The following WDR33 variants were observed in gnomAD, a reference collection of about 807,000 sequenced individuals.
WDR33 encodes the protein WD repeat domain 33, also known as pre-mRNA 3' end processing protein WDR33.
In WDR33, 47 loss-of-function variants were observed where a neutral mutation model predicts 164.9. The observed-to-expected ratio is 0.29, with a 90% CI of 0.23 to 0.36. WDR33 has a LOEUF of 0.36. WDR33 is among the 10% of genes least tolerant of loss of function. The pLI is 1.00. For missense variants in WDR33, 1,137 were observed against 1,754.1 expected (o/e 0.65, Z 6.28); for synonymous variants, 505 against 589.0 (o/e 0.86, Z 2.06).
intron 1 of WDR33, among the ~76,000 whole-genome samples, chr2:127,780,287 A>T (rs1688326947): frequency 6.6e-6 from 1 of 152,038 alleles, no homozygotes; most frequent in Admixed American, 6.6e-5. Flanking sequence ...AACACTCCTG[A>T]CCCCAGGGTC....
intron 1 of WDR33, among the ~76,000 whole-genome samples, chr2:127,783,683 C>A (rs1302090073): frequency 7.2e-6 from 1 of 138,020 alleles, no homozygotes; most frequent in Non-Finnish European, 1.5e-5. Flanking sequence ...CGGCTCACTG[C>A]GACCTCCGCC....
intron 7 of WDR33, among the ~76,000 whole-genome samples, chr2:127,761,308 C>G (rs1687667476): frequency 6.6e-6 from 1 of 152,068 alleles, no homozygotes; most frequent in African/African-American, 2.4e-5. Flanking sequence ...TCACACCAGT[C>G]TCCTGCCTCA....
intron 7 of WDR33, among the ~76,000 whole-genome samples, chr2:127,758,775 C>G (rs192268473): frequency 2.0e-5 from 3 of 152,306 alleles, no homozygotes; most frequent in Admixed American, 2.0e-4. Context: ...TAAAACTACA[C>G]TTCTAGCACT....
Position 127,764,231 on chromosome 2 carries a change from A to G in WDR33, c.626+597T>C. On this transcript the variant is annotated intron_variant, in intron 6 of 21. Coordinates refer to ENST00000322313, the MANE Select transcript of WDR33 (RefSeq NM_018383.5). This position sits in a 1 kb window ranked among gnomAD's most constrained non-coding sequence, Gnocchi z 6.2. ...TAAGTGATGTTATCAACAGTGAATC[A>G]GAAGAAAAGTCCTAGAGTCTTCTTG... The G allele has an allele frequency of 1.8e-6, 2 of 1,127,038 alleles. No homozygotes were observed. The highest frequency in any genetic ancestry group is 1.0e-4 in the East Asian group (2 of 19,868). 69.8% of individuals were successfully genotyped at this position (1,127,038 alleles called of 1,614,324 possible). A position where few individuals can be genotyped will look rare whatever the true frequency, so the allele number is the denominator to read the frequency against.
intron 7 of WDR33, among the ~76,000 whole-genome samples, chr2:127,740,473 A>G (rs923236238): frequency 1.3e-5 from 2 of 152,088 alleles, no homozygotes; most frequent in Admixed American, 6.5e-5. Context: ...TGAGCCCGGG[A>G]GGTCAAGGAT....
At chr2:127,794,937 T>A (rs1688979922) in intron 1 of WDR33, among the ~76,000 whole-genome samples, 1 of 151,388 alleles carries the variant, frequency 6.6e-6, no homozygotes, top group South Asian at 2.1e-4. Flanking sequence ...GGCGGGAGGA[T>A]CACTTGAGCC....
intron 1 of WDR33, among the ~76,000 whole-genome samples, chr2:127,803,705 C>T (rs7557678): frequency 0.13 from 20,106 of 152,076 alleles, 1,453 homozygotes; most frequent in South Asian, 0.26. Context: ...ATAATATTTT[C>T]TACCAAAAGA....
In WDR33 at chr2:127,701,215, A is replaced by C. The variant is rs930681651; in HGVS notation, c.*5108T>G. The C allele has an allele frequency of 4.4e-5, 10 of 226,488 alleles. No individual in the cohort carries two copies. In the East Asian group the frequency reaches 8.9e-4, roughly 20 times the overall value. 14.0% of individuals were successfully genotyped at this position (226,488 alleles called of 1,614,324 possible). A position where few individuals can be genotyped will look rare whatever the true frequency, so the allele number is the denominator to read the frequency against. The stretch of plus-strand genomic sequence containing the variant: ...AAAGGGTCACTTCTTGTGCCCCTTT[A>C]GAACCACACCCACCCCTGCCTTCCA... On this transcript the variant is annotated 3_prime_UTR_variant, in exon 22 of 22. Transcript: ENST00000322313.
rs552437283 is a variant in WDR33, at chr2:127,717,201, A to G, written c.2823T>C (p.Gly941=). The G allele has an allele frequency of 6.2e-7, 1 of 1,609,946 alleles. No individual in the cohort carries two copies. Among genetic ancestry groups the G allele is most frequent in the Admixed American group, 1.7e-5 (1 of 59,618 alleles). ...GTCCGGGGTTCAGAGGGGGAATGCG[A>G]CCTTGTGCTCCCTGCTGCCCTAGGC... ...IPGLGQQGAQ[G]RIPPLNPGQG... The change falls in exon 17 of 22, where the codon GGT becomes GGC. Residue 941 remains glycine (G), a synonymous_variant. Coordinates refer to ENST00000322313, the MANE Select transcript of WDR33 (RefSeq NM_018383.5). The surrounding 1 kb of genome is among the most constrained non-coding windows in gnomAD (Gnocchi z 5.6).
At chr2:127,737,313 A>G in intron 7 of WDR33, 1 of 985,470 alleles carries the variant, frequency 1.0e-6, no homozygotes, top group South Asian at 4.7e-5. Context: ...TGCAGAAAGC[A>G]GCAGCAAAGT....
In WDR33 at chr2:127,763,634, AT is replaced by A. The variant is rs1187814723; in HGVS notation, c.627-476del. 3.0e-6 allele frequency: 3 copies of A among 988,806 alleles called. No homozygotes were observed. In the African/African-American group the frequency reaches 5.2e-5, roughly 17 times the overall value. The allele number at this position is 988,806 out of a possible 1,614,324, so 61.3% of individuals were successfully genotyped here. On this transcript the variant is annotated intron_variant, in intron 6 of 21. Coordinates refer to ENST00000322313, the MANE Select transcript of WDR33 (RefSeq NM_018383.5). This position sits in a 1 kb window ranked among gnomAD's most constrained non-coding sequence, Gnocchi z 4.5. ...TCTATTAAAAGACTGATTGCTAAAC[AT>A]CCCTACATACAATGTTTCTCATCCA...
At position 127,763,311 on chromosome 2, in the gene WDR33, G is replaced by A. The variant is rs566265435; in HGVS notation, c.627-152C>T. 17 of 1,445,894 alleles carry A rather than the reference G, an allele frequency of 1.2e-5. No individual in the cohort carries two copies. The highest frequency in any genetic ancestry group is 2.5e-5 in the East Asian group (1 of 39,514). 89.6% of individuals were successfully genotyped at this position (1,445,894 alleles called of 1,614,324 possible). A position where few individuals can be genotyped will look rare whatever the true frequency, so the allele number is the denominator to read the frequency against. ...GAAGCCCTTAAAGTGAATGTCGTCA[G>A]CTAACATAGGCATCTCATCAAAAGA... On this transcript the variant is annotated intron_variant, in intron 6 of 21. Transcript: ENST00000322313. This position sits in a 1 kb window ranked among gnomAD's most constrained non-coding sequence, Gnocchi z 4.5.
intron 7 of WDR33, among the ~76,000 whole-genome samples, chr2:127,739,127 C>A (rs544501964): frequency 6.6e-6 from 1 of 152,230 alleles, no homozygotes; most frequent in East Asian, 1.9e-4. Flanking sequence ...AGTATCTACT[C>A]GTGAAGGTGT....
rs770599033 is a variant in WDR33, at chr2:127,702,195, G to A, written c.*4128C>T. The stretch of plus-strand genomic sequence containing the variant: ...CGTGTGAGGACCTCGCGCCCTCGCC[G>A]CTGGGGAAGTACGCGGAGCCAGCGC... On this transcript the variant is annotated 3_prime_UTR_variant, in exon 22 of 22. Transcript: ENST00000322313. 73 of 1,213,712 alleles carry A rather than the reference G, an allele frequency of 6.0e-5. 1 individual carries two copies. The Middle Eastern group carries it at 9.7e-4, about 16-fold the overall frequency. 75.2% of individuals were successfully genotyped at this position (1,213,712 alleles called of 1,614,324 possible).
At chr2:127,730,383 G>A (rs1686672625) in intron 7 of WDR33, among the ~76,000 whole-genome samples, 1 of 151,934 alleles carries the variant, frequency 6.6e-6, no homozygotes, top group Non-Finnish European at 1.5e-5. Context: ...ATAAAATTCT[G>A]ACCTCACATG....
At chr2:127,729,403 A>C (rs922827350) in intron 7 of WDR33, among the ~76,000 whole-genome samples, 5 of 152,136 alleles carry the variant, frequency 3.3e-5, no homozygotes, top group Non-Finnish European at 4.4e-5. Flanking sequence ...AAAAAACAAA[A>C]CTGTGTCACT....
chr2:127,738,056 T>A lies in WDR33; in HGVS notation c.725-11279A>T. The A allele has an allele frequency of 6.2e-7, 1 of 1,612,698 alleles. No individual in the cohort carries two copies. The highest frequency in any genetic ancestry group is 1.7e-4 in the Middle Eastern group (1 of 6,060). Reference sequence around the variant, plus strand: ...AACGGCAGTGATGAAAACATGTATCTATCAAAACAAGAAGGGTGCATGAAC... The same window carrying A: ...AACGGCAGTGATGAAAACATGTATCAATCAAAACAAGAAGGGTGCATGAAC... On this transcript the variant is annotated intron_variant, in intron 7 of 21. Coordinates refer to ENST00000322313, the MANE Select transcript of WDR33 (RefSeq NM_018383.5). The surrounding 1 kb of genome is among the most constrained non-coding windows in gnomAD (Gnocchi z 4.4).
chr2:127,810,115 A>G (rs1689595635), intron 1 of WDR33, among the ~76,000 whole-genome samples: 1 of 152,166 alleles, frequency 6.6e-6, no homozygotes, highest in African/African-American at 2.4e-5. Context: ...TCCAGAGTGT[A>G]CTAAAAAAGT....
rs530987223 is a variant in WDR33, at chr2:127,800,591, C to T, written c.-24+10421G>A. 1.3e-4 allele frequency among the ~76,000 whole-genome samples: 19 copies of T among 145,332 alleles called. 1 individual carries two copies. The South Asian group carries it at 4.1e-3, about 32-fold the overall frequency. The stretch of plus-strand genomic sequence containing the variant: ...GTCGGAGCTTGCAGTGAGCTGAGAT[C>T]GCATCACTGCACTCCAGCCTGGGCA... On this transcript the variant is annotated intron_variant, in intron 1 of 21. Transcript: ENST00000322313.
Sources: allele counts gnomAD v4.1 joint callset (sites outside exome capture counted in the v4.1 genomes callset), GRCh38; gene constraint gnomAD v4.1.1; non-coding constraint Gnocchi (gnomAD v3.1); transcripts MANE v1.5; gene names NCBI Gene and HGNC (gene_info 2026-07-23, HGNC 2026-07-21).